The following GRHPR variants were observed in gnomAD, a reference collection of about 807,000 sequenced individuals.
GRHPR encodes the protein glyoxylate and hydroxypyruvate reductase, also known as glyoxylate reductase/hydroxypyruvate reductase.
In GRHPR, 35 loss-of-function variants were observed where a neutral mutation model predicts 36.8. That is an observed-to-expected ratio of 0.95 (90% CI 0.73 to 1.26). GRHPR has a LOEUF of 1.26. Among genes scored for constraint, GRHPR ranks in the 50% most tolerant of loss-of-function variants. The pLI is 0.00. For missense variants in GRHPR, 380 were observed against 435.0 expected, an observed-to-expected ratio of 0.87 and a Z score of 1.12; for synonymous variants, 179 against 181.0, an observed-to-expected ratio of 0.99 and a Z score of 0.09.
intron 8 of GRHPR, among the ~76,000 whole-genome samples, chr9:37,433,228 A>ATTTTTTTT (rs11345501): frequency 2.1e-5 from 2 of 97,200 alleles, no homozygotes; most frequent in African/African-American, 3.4e-5. Flanking sequence ...TGGTTCTCAC[A>ATTTTTTTT]TTTTTTTTTT....
At position 37,422,766 on chromosome 9, in the gene GRHPR, C is replaced by T. The variant is rs147185003; in HGVS notation, c.16C>T (p.Leu6Phe). Residue 6 changes from leucine to phenylalanine, a missense_variant, in exon 1 of 9, where the codon CTC (leucine) becomes TTC (phenylalanine). Coordinates refer to ENST00000318158, the MANE Select transcript of GRHPR (RefSeq NM_012203.2). ...TGCACTGCGGATGAGACCGGTGCGA[C>T]TCATGAAGGTGTTCGTCACCCGCAG... MRPVR[L>F]MKVFVTRRIP... 2.1e-3 allele frequency: 3,402 copies of T among 1,593,940 alleles called. 38 individuals carry two copies. Among genetic ancestry groups the T allele is most frequent in the South Asian group, 0.018 (1,552 of 88,136 alleles).
chr9:37,430,717 C>T (rs1389989150), intron 7 of GRHPR, 71 bp downstream of exon 7: 1 of 1,450,906 alleles, frequency 6.9e-7, no homozygotes, highest in Admixed American at 1.7e-5. Context: ...TGGAGATTTT[C>T]TTCCCCGTGG....
intron 3 of GRHPR, 94 bp downstream of exon 3, chr9:37,426,088 G>A (rs572784220): frequency 3.2e-4 from 276 of 850,744 alleles, no homozygotes; most frequent in South Asian, 4.7e-4. Context: ...CATATCCCTC[G>A]GCCATTCAGG....
At chr9:37,428,394 C>G (rs1382802672) in intron 4 of GRHPR, 90 bp from the exon 5 acceptor site, 1 of 860,112 alleles carries the variant, frequency 1.2e-6, no homozygotes, top group African/African-American at 1.6e-5. Context: ...GGGTTTATAC[C>G]TTGGACCACA....
chr9:37,423,304 A>C (rs1042506845), intron 1 of GRHPR, among the ~76,000 whole-genome samples: 1 of 150,244 alleles, frequency 6.7e-6, no homozygotes, highest in Non-Finnish European at 1.5e-5. Flanking sequence ...AGTAGCTGGG[A>C]CTACAGGCGC....
At chr9:37,428,601 C>A in intron 5 of GRHPR, 29 bp downstream of exon 5, 1 of 1,456,070 alleles carries the variant, frequency 6.9e-7, no homozygotes, top group East Asian at 2.3e-5. Flanking sequence ...CGCTTGCCCG[C>A]CCCGGCTCTC....
intron 1 of GRHPR, among the ~76,000 whole-genome samples, chr9:37,424,048 A>G (rs1822963370): frequency 1.3e-5 from 2 of 152,190 alleles, no homozygotes; most frequent in South Asian, 4.1e-4. Flanking sequence ...AGAGGATGCA[A>G]TCCAGCCTCA....
intron 8 of GRHPR, chr9:37,432,420 C>G: frequency 2.7e-6 from 1 of 374,696 alleles, no homozygotes; most frequent in South Asian, 2.1e-5. Flanking sequence ...TGGCTCATGC[C>G]TGTAATCCCA....
chr9:37,430,289 G>A, intron 6 of GRHPR: 1 of 626,808 alleles, frequency 1.6e-6, no homozygotes, highest in Non-Finnish European at 2.9e-6. Flanking sequence ...CACGCCCCTG[G>A]GCACTTTGGG....
At chr9:37,424,567 CCT>C (rs1564296092) in intron 1 of GRHPR, among the ~76,000 whole-genome samples, 1 of 152,264 alleles carries the variant, frequency 6.6e-6, no homozygotes, top group Non-Finnish European at 1.5e-5. Flanking sequence ...CCGCCCAGCC[CCT>C]GTGAATGTGG....
In GRHPR at chr9:37,432,038, C is replaced by T. The variant is rs759328663; in HGVS notation, c.765C>T (p.Tyr255=). 10 of 1,614,138 alleles carry T rather than the reference C, an allele frequency of 6.2e-6. No individual in the cohort carries two copies. Among genetic ancestry groups the T allele is most frequent in the Non-Finnish European group, 5.9e-6 (7 of 1,179,962 alleles). The change falls in exon 8 of 9, where the codon TAC becomes TAT. Residue 255 remains tyrosine, a synonymous_variant. Transcript: ENST00000318158. ...ACGTCGTAAACCAGGACGACCTGTA[C>T]CAGGCCTTGGCCAGTGGTAAGATTG... is the stretch of plus-strand genomic sequence containing the variant. ...RGDVVNQDDL[Y]QALASGKIAA...
intron 4 of GRHPR, chr9:37,428,166 C>T: frequency 2.1e-6 from 1 of 482,118 alleles, no homozygotes; most frequent in Non-Finnish European, 3.8e-6. Context: ...AGTTTGCAGC[C>T]TGTTGCTCTC....
At chr9:37,437,845 G>A (rs1823745186), downstream of GRHPR, among the ~76,000 whole-genome samples, 1 of 152,194 alleles carries the variant, frequency 6.6e-6, no homozygotes, top group Non-Finnish European at 1.5e-5. Flanking sequence ...TTGGGAGGCA[G>A]GTCCAGGGAG....
At chr9:37,426,451 G>A in intron 3 of GRHPR, 87 bp from the exon 4 acceptor site, 1 of 919,682 alleles carries the variant, frequency 1.1e-6, no homozygotes, top group Non-Finnish European at 1.8e-6. Flanking sequence ...CAAAGAGGGA[G>A]CAAAGTAACT....
Position 37,432,055 on chromosome 9 carries a change from G to A in GRHPR, c.782G>A (p.Gly261Asp). 1 of 1,614,136 alleles carries A rather than the reference G, an allele frequency of 6.2e-7. No homozygotes were observed. The highest frequency in any genetic ancestry group is 8.5e-7 in the Non-Finnish European group (1 of 1,179,944). The change falls in exon 8 of 9, where the codon GGT becomes GAT. Residue 261 changes from glycine (G) to aspartate (D), a missense_variant. Coordinates refer to ENST00000318158, the MANE Select transcript of GRHPR (RefSeq NM_012203.2). ...GACCTGTACCAGGCCTTGGCCAGTGGTAAGATTGCAGCTGCTGGACTGGAT... is the reference window on the plus strand; with the variant it reads ...GACCTGTACCAGGCCTTGGCCAGTGATAAGATTGCAGCTGCTGGACTGGAT... ...QDDLYQALAS[G>D]KIAAAGLDVT...
intron 5 of GRHPR, chr9:37,428,811 G>T: frequency 1.5e-6 from 1 of 655,958 alleles, no homozygotes; most frequent in Non-Finnish European, 2.8e-6. Context: ...AGGGTCAGGG[G>T]GCTTCATGAT....
At chr9:37,428,812 G>A in intron 5 of GRHPR, 2 of 653,342 alleles carry the variant, frequency 3.1e-6, no homozygotes, top group Middle Eastern at 2.4e-4. Context: ...GGGTCAGGGG[G>A]CTTCATGATT....
At chr9:37,429,236 A>G in intron 5 of GRHPR, 1 of 261,264 alleles carries the variant, frequency 3.8e-6, no homozygotes, top group Non-Finnish European at 7.6e-6. Flanking sequence ...TGAGCCTGAA[A>G]ATCCAACTGT....
At chr9:37,435,006 C>T (rs1400775445) in intron 8 of GRHPR, 1 of 152,258 alleles carries the variant, frequency 6.6e-6, no homozygotes, top group African/African-American at 2.4e-5. Flanking sequence ...AATCCCAGCA[C>T]TTTAGGAGGC....
Sources: gnomAD v4.1 joint callset for allele counts (sites outside exome capture counted in the v4.1 genomes callset) on GRCh38, gnomAD v4.1.1 for gene constraint, MANE v1.5 for transcripts, NCBI Gene and HGNC (gene_info 2026-07-23, HGNC 2026-07-21) for gene names.